PLCB1: variants seen among roughly 807,000 people sequenced by gnomAD.
PLCB1 encodes phospholipase C beta 1, also known as 1-phosphatidylinositol 4,5-bisphosphate phosphodiesterase beta-1.
In PLCB1, 46 loss-of-function variants were observed where a neutral mutation model predicts 161.8. The ratio of observed to expected loss-of-function variants is 0.28; its 90% CI spans 0.22 to 0.36. The LOEUF is 0.36. Ranked by LOEUF, PLCB1 falls within the 10% of genes least tolerant of loss-of-function variation. PLCB1 has a pLI of 1.00. For synonymous variants in PLCB1, 517 were observed against 503.7 expected (o/e 1.03, Z -0.35); for missense variants, 1,016 against 1,472.5 (o/e 0.69, Z 5.07).
chr20:8,199,099 GTA>G (rs1413431500), intron 2 of PLCB1, among the ~76,000 whole-genome samples: 1 of 151,974 alleles, frequency 6.6e-6, no homozygotes, highest in Non-Finnish European at 1.5e-5. Context: ...GTGTGTGTGT[GTA>G]TAGTGTATAC....
chr20:8,668,060 T>C (rs1989856933), intron 9 of PLCB1, among the ~76,000 whole-genome samples: 1 of 151,760 alleles, frequency 6.6e-6, no homozygotes, highest in Admixed American at 6.6e-5. Flanking sequence ...GGCGTTTGGC[T>C]CCTAACTTCG....
At chr20:8,795,171 T>G (rs1361608522) in intron 31 of PLCB1, among the ~76,000 whole-genome samples, 1 of 152,194 alleles carries the variant, frequency 6.6e-6, no homozygotes, top group Non-Finnish European at 1.5e-5. Context: ...TATTTTAGAT[T>G]GTCCCACTTT....
chr20:8,574,872 A>C (rs1262892658), intron 3 of PLCB1, among the ~76,000 whole-genome samples: 1 of 152,238 alleles, frequency 6.6e-6, no homozygotes, highest in Non-Finnish European at 1.5e-5. Flanking sequence ...CTTCAACAGA[A>C]AAGATATAAA....
At chr20:8,438,945 C>A (rs1233959048) in intron 3 of PLCB1, among the ~76,000 whole-genome samples, 3 of 152,162 alleles carry the variant, frequency 2.0e-5, no homozygotes, top group African/African-American at 4.8e-5. Flanking sequence ...TGCCTCTTTG[C>A]TCTTTGGTTG....
At chr20:8,756,941 C>T (rs2123562284) in intron 23 of PLCB1, 105 bp from the exon 24 acceptor site, 5 of 1,089,668 alleles carry the variant, frequency 4.6e-6, no homozygotes, top group Middle Eastern at 2.5e-4. Context: ...ATTTCCAACT[C>T]CAAAAGAATT....
chr20:8,133,133 C>T (rs1257011518), intron 1 of PLCB1, among the ~76,000 whole-genome samples: 1 of 152,142 alleles, frequency 6.6e-6, no homozygotes, highest in Non-Finnish European at 1.5e-5. Context: ...TCCCTCTCCG[C>T]CTGCGGACGC....
chr20:8,541,609 G>GAAAGAAAGAAAGAAAGAAAGAAAGT (rs1192850084), intron 3 of PLCB1, among the ~76,000 whole-genome samples: 1 of 57,766 alleles, frequency 1.7e-5, no homozygotes, highest in Non-Finnish European at 3.6e-5. Context: ...AGAAAGAAAG[G>GAAAGAAAGAAAGAAAGAAAGAAAGT]AAGGAAGATA....
chr20:8,344,330 TG>T lies in PLCB1; in HGVS notation c.178-27049del, dbSNP rs1230527488. The stretch of plus-strand genomic sequence containing the variant: ...GTTTGGTCTCGCAGTTTGTGCCAAC[TG>T]GGCACCGTGTCCTTAGTCCACCCTC... On this transcript the variant is annotated intron_variant, in intron 2 of 31. Transcript: ENST00000338037. 2.0e-5 allele frequency among the ~76,000 whole-genome samples: 3 copies of T among 152,214 alleles called. No individual in the cohort carries two copies. The East Asian group carries it at 5.8e-4, about 29-fold the overall frequency.
At chr20:8,133,976 G>C in intron 1 of PLCB1, among the ~76,000 whole-genome samples, 1 of 152,142 alleles carries the variant, frequency 6.6e-6, no homozygotes, top group East Asian at 1.9e-4. Flanking sequence ...AGCTGAGTGC[G>C]TCTGTGTCTA....
chr20:8,735,653 C>T (rs1404922090), intron 19 of PLCB1, among the ~76,000 whole-genome samples: 1 of 152,214 alleles, frequency 6.6e-6, no homozygotes, highest in Non-Finnish European at 1.5e-5. Flanking sequence ...TTTGGTCAAA[C>T]ATCTTAAACA....
At chr20:8,539,080 C>A (rs915913202) in intron 3 of PLCB1, among the ~76,000 whole-genome samples, 3 of 152,126 alleles carry the variant, frequency 2.0e-5, no homozygotes, top group Non-Finnish European at 2.9e-5. Context: ...AGCCACTGTG[C>A]CTGGCCTACA....
intron 2 of PLCB1, among the ~76,000 whole-genome samples, chr20:8,158,887 A>G (rs774519305): frequency 2.6e-5 from 4 of 151,976 alleles, no homozygotes; most frequent in Non-Finnish European, 5.9e-5. Context: ...GCCTTGGGCA[A>G]CTCCGCCCCT....
At chr20:8,756,074 T>C (rs2123560223) in intron 23 of PLCB1, among the ~76,000 whole-genome samples, 1 of 152,328 alleles carries the variant, frequency 6.6e-6, no homozygotes, top group Middle Eastern at 3.4e-3. Context: ...CTGGCTCTTT[T>C]TGTCAGGGTT....
chr20:8,771,720 C>T (rs946117545), intron 26 of PLCB1, among the ~76,000 whole-genome samples: 1 of 152,048 alleles, frequency 6.6e-6, no homozygotes, highest in Non-Finnish European at 1.5e-5. Context: ...TCTAAAGATA[C>T]GTCATGAGGA....
At chr20:8,775,681 A>C (rs1379100158) in intron 27 of PLCB1, among the ~76,000 whole-genome samples, 1 of 152,178 alleles carries the variant, frequency 6.6e-6, no homozygotes, top group African/African-American at 2.4e-5. Context: ...GCTTATTGAA[A>C]ATCAAATTCT....
chr20:8,526,101 G>A (rs191437612), intron 3 of PLCB1, among the ~76,000 whole-genome samples: 7 of 152,114 alleles, frequency 4.6e-5, no homozygotes, highest in Middle Eastern at 3.4e-3. Flanking sequence ...GGAGATACCT[G>A]AGTATGTTAA....
chr20:8,722,596 A>C (rs1434849247), intron 15 of PLCB1, among the ~76,000 whole-genome samples, 175 bp downstream of exon 15: 1 of 152,150 alleles, frequency 6.6e-6, no homozygotes, highest in Non-Finnish European at 1.5e-5. Flanking sequence ...CAATCCGGAG[A>C]AGATATGGCG....
chr20:8,664,222 T>C (rs1445481402), intron 9 of PLCB1, among the ~76,000 whole-genome samples: 1 of 152,212 alleles, frequency 6.6e-6, no homozygotes, highest in Non-Finnish European at 1.5e-5. Context: ...TTATAAGGTA[T>C]ACTATACAAA....
intron 2 of PLCB1, among the ~76,000 whole-genome samples, chr20:8,212,700 C>T (rs1239615523): frequency 6.6e-6 from 1 of 152,074 alleles, no homozygotes; most frequent in Non-Finnish European, 1.5e-5. Flanking sequence ...CTGCTGATGG[C>T]TGAATGATAT....
Sources: gnomAD v4.1 joint callset for allele counts (sites outside exome capture counted in the v4.1 genomes callset) on GRCh38, gnomAD v4.1.1 for gene constraint, MANE v1.5 for transcripts, NCBI Gene and HGNC (gene_info 2026-07-23, HGNC 2026-07-21) for gene names.